OTUD7A: variants seen among roughly 807,000 people sequenced by gnomAD.
The protein encoded by OTUD7A is OTU domain-containing protein 7A.
In OTUD7A, 12 loss-of-function variants were observed where a neutral mutation model predicts 65.7. That is an observed-to-expected ratio of 0.18 (90% CI 0.12 to 0.30). The LOEUF (loss-of-function observed/expected upper bound fraction) is 0.30. OTUD7A is among the 10% of genes least tolerant of loss of function. The pLI, the probability that OTUD7A is intolerant of heterozygous loss-of-function variation, is 1.00. For synonymous variants in OTUD7A, 641 were observed against 586.3 expected (o/e 1.09, Z -1.35); for missense variants, 1,148 against 1,304.8 (o/e 0.88, Z 1.85).
chr15:31,566,242 A>G (rs1888870811), intron 4 of OTUD7A, among the ~76,000 whole-genome samples: 1 of 152,132 alleles, frequency 6.6e-6, no homozygotes, highest in African/African-American at 2.4e-5. Context: ...GTAGTCCAAG[A>G]AACCTTCCAA....
chr15:31,694,337 T>C (rs1875669), intron 1 of OTUD7A, among the ~76,000 whole-genome samples: 140,696 of 145,848 alleles, frequency 0.96, 67,844 homozygotes, highest in East Asian at 1. Flanking sequence ...TTGCTGTCTT[T>C]TTTCATTCAG....
intron 3 of OTUD7A, among the ~76,000 whole-genome samples, chr15:31,608,871 A>G (rs1832014641): frequency 6.6e-6 from 1 of 152,180 alleles, no homozygotes; most frequent in African/African-American, 2.4e-5. Flanking sequence ...CCTCTGAAAG[A>G]AGCAGACTGC....
intron 1 of OTUD7A, among the ~76,000 whole-genome samples, chr15:31,727,956 T>C (rs1893939029): frequency 6.6e-6 from 1 of 152,220 alleles, no homozygotes; most frequent in African/African-American, 2.4e-5. Context: ...GATGAAGCTG[T>C]CAGTAGCCAC....
chr15:31,572,667 A>G (rs964281097), intron 3 of OTUD7A, among the ~76,000 whole-genome samples: 26 of 152,216 alleles, frequency 1.7e-4, no homozygotes, highest in Admixed American at 1.3e-4. Flanking sequence ...AAGAAAAACT[A>G]TAAATCAGAT....
intron 8 of OTUD7A, among the ~76,000 whole-genome samples, chr15:31,513,417 G>A (rs139544281): frequency 1.3e-5 from 2 of 152,290 alleles, no homozygotes; most frequent in East Asian, 3.9e-4. Context: ...CAGACCCCAC[G>A]TGTGTGTGCC....
At chr15:31,722,827 C>A (rs1213240117) in intron 1 of OTUD7A, among the ~76,000 whole-genome samples, 4 of 152,220 alleles carry the variant, frequency 2.6e-5, no homozygotes, top group African/African-American at 9.7e-5. Context: ...ATCCCAGAGA[C>A]AGCAATACAC....
rs918606903 is a variant in OTUD7A at position 31,481,413 on chromosome 15, C to T, written c.*1881G>A. The T allele has an allele frequency of 2.6e-5, 4 of 152,224 alleles. No individual in the cohort carries two copies. Among genetic ancestry groups the T allele is most frequent in the African/African-American group, 7.2e-5 (3 of 41,460 alleles). 9.4% of individuals were successfully genotyped at this position (152,224 alleles called of 1,614,324 possible). ...GAAGAATCAGTCCAGAAAGCTGCCA[C>T]AGACCCTCTCCATGAGATTTTTAAA... is the stretch of plus-strand genomic sequence containing the variant. On this transcript the variant is annotated 3_prime_UTR_variant, in exon 13 of 13. Coordinates refer to ENST00000307050, the MANE Select transcript of OTUD7A (RefSeq NM_001382637.1).
intron 1 of OTUD7A, among the ~76,000 whole-genome samples, chr15:31,826,203 C>G (rs1896793967): frequency 6.6e-6 from 1 of 152,262 alleles, no homozygotes; most frequent in East Asian, 1.9e-4. Context: ...CAGAAGTTCT[C>G]CATGACAGCC....
rs1006893452 is a variant in OTUD7A at position 31,856,377 on chromosome 15, T to C, written c.-100+14130A>G. ...TTACTGTTTTGCTGAACTTATTCTTTTAACCTGTGCAAATATTAGATTTTT... is the reference window on the plus strand; with the variant it reads ...TTACTGTTTTGCTGAACTTATTCTTCTAACCTGTGCAAATATTAGATTTTT... On this transcript the variant is annotated intron_variant, in intron 1 of 12. Transcript: ENST00000307050. Among the ~76,000 whole-genome samples the C allele has an allele frequency of 2.0e-5, 3 of 152,302 alleles. No homozygotes were observed. The South Asian group carries it at 6.2e-4, about 32-fold the overall frequency.
chr15:31,789,121 T>C (rs1475855508), intron 1 of OTUD7A, among the ~76,000 whole-genome samples: 2 of 152,148 alleles, frequency 1.3e-5, no homozygotes, highest in Admixed American at 1.3e-4. Flanking sequence ...TGAGGGGAGA[T>C]ATACCATTGT....
At chr15:31,811,884 T>C (rs1896426536) in intron 1 of OTUD7A, among the ~76,000 whole-genome samples, 1 of 152,164 alleles carries the variant, frequency 6.6e-6, no homozygotes, top group South Asian at 2.1e-4. Flanking sequence ...AGAGCAACAG[T>C]GAGCATTCAC....
At chr15:31,614,460 A>C (rs1890526223) in intron 3 of OTUD7A, among the ~76,000 whole-genome samples, 1 of 152,170 alleles carries the variant, frequency 6.6e-6, no homozygotes, top group Non-Finnish European at 1.5e-5. Context: ...ATAAAGGAAA[A>C]TATTTTAGAA....
In OTUD7A at chr15:31,484,554, C is replaced by T. The variant is rs2041204615; in HGVS notation, c.1542G>A (p.Lys514=). The part of the protein sequence containing the change: ...EKEKQRKEKD[K]TRADSVANKL... ...TGTTGGCCACGGAGTCGGCGCGCGTCTTGTCCTTCTCCTTGCGCTGCTTCT... is the reference window on the plus strand; with the variant it reads ...TGTTGGCCACGGAGTCGGCGCGCGTTTTGTCCTTCTCCTTGCGCTGCTTCT... The change falls in exon 13 of 13, where the codon AAG becomes AAA. Residue 514 remains lysine (K), a synonymous_variant. Transcript: ENST00000307050. The surrounding 1 kb of genome is among the most constrained non-coding windows in gnomAD (Gnocchi z 4.5). The T allele has an allele frequency of 1.9e-6, 3 of 1,611,548 alleles. No homozygotes were observed. In the African/African-American group the frequency reaches 4.0e-5, roughly 22 times the overall value.
intron 1 of OTUD7A, among the ~76,000 whole-genome samples, chr15:31,845,404 C>A (rs372268264): frequency 1.3e-5 from 2 of 152,228 alleles, no homozygotes; most frequent in African/African-American, 4.8e-5. Context: ...GGTGCACACT[C>A]GTGCACATCA....
At chr15:31,714,353 C>T (rs1008908578) in intron 1 of OTUD7A, among the ~76,000 whole-genome samples, 7 of 152,206 alleles carry the variant, frequency 4.6e-5, no homozygotes, top group African/African-American at 1.7e-4. Flanking sequence ...TCATTCCATT[C>T]ATCACACTGA....
At chr15:31,749,407 T>C (rs567348913) in intron 1 of OTUD7A, among the ~76,000 whole-genome samples, 44 of 152,302 alleles carry the variant, frequency 2.9e-4, no homozygotes, top group African/African-American at 1.1e-3. Flanking sequence ...ATTCAGTGTG[T>C]GAATTTGAGA....
intron 1 of OTUD7A, among the ~76,000 whole-genome samples, chr15:31,695,019 G>C (rs1386975681): frequency 1.3e-5 from 2 of 152,000 alleles, no homozygotes; most frequent in East Asian, 3.9e-4. Context: ...CTAATTTTTT[G>C]TATTTTTAGT....
At position 31,484,185 on chromosome 15, in the gene OTUD7A, C is replaced by T. The variant is rs2041194253; in HGVS notation, c.1911G>A (p.Gln637=). 1.9e-6 allele frequency: 3 copies of T among 1,610,138 alleles called. No individual in the cohort carries two copies. Among genetic ancestry groups the T allele is most frequent in the Non-Finnish European group, 2.5e-6 (3 of 1,179,404 alleles). The change falls in exon 13 of 13, where the codon CAG becomes CAA. Residue 637 remains glutamine, a synonymous_variant. Transcript: ENST00000307050. The surrounding 1 kb of genome is among the most constrained non-coding windows in gnomAD (Gnocchi z 4.5). ...LSLNILRAAM[Q]GERKFIFAGL... is the part of the protein sequence containing the mutation. ...CGGCGAAGATGAACTTGCGCTCCCC[C>T]TGCATGGCGGCGCGCAGGATGTTGA... is the stretch of plus-strand genomic sequence containing the variant.
rs1384386916 is a variant in OTUD7A at position 31,483,618 on chromosome 15, G to C, written c.2478C>G (p.Thr826=). The part of the protein sequence containing the change: ...YSPARAAALR[T]VNTVESLARA... The stretch of plus-strand genomic sequence containing the variant: ...GCGCCAGCGACTCGACCGTGTTGAC[G>C]GTGCGCAGGGCGGCGGCGCGCGCCG... The change falls in exon 13 of 13, where the codon ACC becomes ACG. Residue 826 remains threonine (T), a synonymous_variant. Coordinates refer to ENST00000307050, the MANE Select transcript of OTUD7A (RefSeq NM_001382637.1). The C allele has an allele frequency of 1.7e-6, 2 of 1,197,732 alleles. No homozygotes were observed. The highest frequency in any genetic ancestry group is 2.1e-6 in the Non-Finnish European group (2 of 969,148). The allele number at this position is 1,197,732 out of a possible 1,614,324, so 74.2% of individuals were successfully genotyped here. A position where few individuals can be genotyped will look rare whatever the true frequency, so the allele number is the denominator to read the frequency against.
Sources: gnomAD v4.1 joint callset for allele counts (sites outside exome capture counted in the v4.1 genomes callset) on GRCh38, gnomAD v4.1.1 for gene constraint, Gnocchi (gnomAD v3.1) non-coding constraint, MANE v1.5 for transcripts, NCBI Gene and HGNC (gene_info 2026-07-23, HGNC 2026-07-21) for gene names.